The following PCDHGB2 variants were observed in gnomAD, a reference collection of about 807,000 sequenced individuals.
The protein encoded by PCDHGB2 is protocadherin gamma-B2.
A neutral mutation model predicts 59.3 loss-of-function variants in PCDHGB2; 55 were observed. The observed-to-expected ratio is 0.93, with a 90% CI of 0.75 to 1.16. The LOEUF (loss-of-function observed/expected upper bound fraction) is 1.16, where lower values mean the gene tolerates loss of function less well. PCDHGB2 is among the 50% of genes most tolerant of loss of function. The pLI is 0.00. For missense variants in PCDHGB2, 1,228 were observed against 1,198.5 expected, an observed-to-expected ratio of 1.02 and a Z score of -0.36; for synonymous variants, 516 against 512.0, an observed-to-expected ratio of 1.01 and a Z score of -0.11.
rs770678698 is a variant in PCDHGB2 at position 141,384,022 on chromosome 5, G to A, written c.2421+21466G>A. On this transcript the variant is annotated intron_variant, in intron 1 of 3. Transcript: ENST00000522605. ...TGCTCTTTTCTACCTACAAGACAGA[G>A]ATTCTGGAAAGAATGGTGAGGTGAC... 3 of 1,613,562 alleles carry A rather than the reference G, an allele frequency of 1.9e-6. No individual in the cohort carries two copies. The highest frequency in any genetic ancestry group is 2.5e-6 in the Non-Finnish European group (3 of 1,179,762).
In PCDHGB2 at chr5:141,361,294, T is replaced by C; in HGVS notation, c.1159T>C (p.Leu387=). The change falls in exon 1 of 4, where the codon TTG becomes CTG. Residue 387 remains leucine (L), a synonymous_variant. Coordinates refer to ENST00000522605, the MANE Select transcript of PCDHGB2 (RefSeq NM_018923.3). ...GENGEVYCQV[L]GNAKFILKSS... Reference sequence around the variant, plus strand: ...AAATGGAGAAGTTTACTGCCAAGTGTTGGGAAATGCCAAGTTTATTTTGAA... The same window carrying C: ...AAATGGAGAAGTTTACTGCCAAGTGCTGGGAAATGCCAAGTTTATTTTGAA... 1 of 1,613,920 alleles carries C rather than the reference T, an allele frequency of 6.2e-7. No homozygotes were observed. The highest frequency in any genetic ancestry group is 1.1e-5 in the South Asian group (1 of 91,088).
chr5:141,431,376 CT>C lies in PCDHGB2; in HGVS notation c.2422-63430del. The C allele has an allele frequency of 1.2e-6, 2 of 1,613,436 alleles. No individual in the cohort carries two copies. The highest frequency in any genetic ancestry group is 1.7e-6 in the Non-Finnish European group (2 of 1,179,562). On this transcript the variant is annotated intron_variant, in intron 1 of 3. Transcript: ENST00000522605. This position sits in a 1 kb window ranked among gnomAD's most constrained non-coding sequence, Gnocchi z 4.8. ...CGCGCCCTGGACCGCGAAGAAAAGG[CT>C]GCTCACCACCTGGTCCTTACGGCCT...
At chr5:141,440,428 C>A (rs1001845529) in intron 1 of PCDHGB2, 1 of 152,132 alleles carries the variant, frequency 6.6e-6, no homozygotes, top group Non-Finnish European at 1.5e-5. Context: ...GCCTGGGTGA[C>A]AGAGCAAGGC....
rs769671283 is a variant in PCDHGB2, at chr5:141,511,391, C to A, written c.*218C>A. 1 of 1,079,748 alleles carries A rather than the reference C, an allele frequency of 9.3e-7. No homozygotes were observed. The allele number at this position is 1,079,748 out of a possible 1,614,324, so 66.9% of individuals were successfully genotyped here. On this transcript the variant is annotated 3_prime_UTR_variant, in exon 4 of 4. Transcript: ENST00000522605. ...TGCAAAAGCAGTTCCGCTGGGAACC[C>A]CCATCCAATCAACTGCTGTACCCAT...
In PCDHGB2 at chr5:141,477,279, C is replaced by T. The variant is rs2099408674; in HGVS notation, c.2422-17528C>T. ...GATGCTGGCGAGAACGGGCTGGTGA[C>T]CTGCGAAGTTCCACCGGGTCTCCCT... is the stretch of plus-strand genomic sequence containing the variant. On this transcript the variant is annotated intron_variant, in intron 1 of 3. Transcript: ENST00000522605. The surrounding 1 kb of genome is among the most constrained non-coding windows in gnomAD (Gnocchi z 4.9). 6.2e-7 allele frequency: 1 copy of T among 1,614,054 alleles called. No individual in the cohort carries two copies. Among genetic ancestry groups the T allele is most frequent in the Non-Finnish European group, 8.5e-7 (1 of 1,180,050 alleles).
intron 1 of PCDHGB2, chr5:141,383,187 C>T (rs572411306): frequency 6.2e-7 from 1 of 1,614,076 alleles, no homozygotes; most frequent in Non-Finnish European, 8.5e-7. Flanking sequence ...AAGAGATCTG[C>T]GCTCAGAGTG....
intron 1 of PCDHGB2, among the ~76,000 whole-genome samples, chr5:141,456,381 G>T (rs1296419395): frequency 6.6e-6 from 1 of 152,110 alleles, no homozygotes; most frequent in Admixed American, 6.6e-5. Context: ...TTACAGCACC[G>T]TTTGGAGTTT....
chr5:141,410,287 C>T (rs1277233674), intron 1 of PCDHGB2: 1 of 1,614,018 alleles, frequency 6.2e-7, no homozygotes, highest in East Asian at 2.2e-5. Context: ...TGGTGGTGGC[C>T]TTGGCCTTAA....
In PCDHGB2 at chr5:141,362,571, A is replaced by G. The variant is rs751216494; in HGVS notation, c.2421+15A>G. 2 of 1,606,352 alleles carry G rather than the reference A, an allele frequency of 1.2e-6. No homozygotes were observed. Among genetic ancestry groups the G allele is most frequent in the Non-Finnish European group, 1.7e-6 (2 of 1,176,278 alleles). On this transcript the variant is annotated intron_variant, in intron 1 of 3. Transcript: ENST00000522605. ...CTATTTTGAAGGTGAGCTTTAATTA[A>G]TTTATTTTCACTTCTGGTTTTATTG...
chr5:141,435,026 C>A (rs977017371), intron 1 of PCDHGB2, among the ~76,000 whole-genome samples: 4 of 151,978 alleles, frequency 2.6e-5, no homozygotes, highest in Non-Finnish European at 5.9e-5. Context: ...GCTCTTTTCC[C>A]ACTTTTATTT....
intron 1 of PCDHGB2, chr5:141,413,293 C>G: frequency 6.2e-7 from 1 of 1,613,946 alleles, no homozygotes; most frequent in South Asian, 1.1e-5. Context: ...CTACTCAATT[C>G]CTGAGGAATT....
chr5:141,505,182 C>T (rs1302018549), intron 2 of PCDHGB2, among the ~76,000 whole-genome samples: 2 of 152,094 alleles, frequency 1.3e-5, no homozygotes, highest in East Asian at 3.9e-4. Context: ...AAAAAAGCAT[C>T]GGAGGCAGCA....
rs776923636 is a variant in PCDHGB2, at chr5:141,361,278, A to G, written c.1143A>G (p.Glu381=). Residue 381 remains glutamate, a synonymous_variant, in exon 1 of 4, where the codon GAA becomes GAG. Coordinates refer to ENST00000522605, the MANE Select transcript of PCDHGB2 (RefSeq NM_018923.3). ...TRDRDSGENG[E]VYCQVLGNAK... is the part of the protein sequence containing the mutation. ...ACAGAGACTCTGGAGAAAATGGAGA[A>G]GTTTACTGCCAAGTGTTGGGAAATG... The G allele has an allele frequency of 1.4e-5, 23 of 1,613,896 alleles. No individual in the cohort carries two copies. In the South Asian group the frequency reaches 2.5e-4, roughly 18 times the overall value.
chr5:141,364,391 G>C, intron 1 of PCDHGB2: 1 of 1,602,644 alleles, frequency 6.2e-7, no homozygotes. Context: ...CATGCTCCTG[G>C]GGACGCTGTG....
intron 3 of PCDHGB2, among the ~76,000 whole-genome samples, chr5:141,505,868 G>T (rs2099848820): frequency 6.6e-6 from 1 of 152,170 alleles, no homozygotes; most frequent in Admixed American, 6.5e-5. Context: ...GGACCCCAAA[G>T]GGTTGTTGTA....
At position 141,360,890 on chromosome 5, in the gene PCDHGB2, G is replaced by C; in HGVS notation, c.755G>C (p.Arg252Thr). 1.2e-6 allele frequency: 2 copies of C among 1,614,058 alleles called. No homozygotes were observed. The highest frequency in any genetic ancestry group is 1.7e-6 in the Non-Finnish European group (2 of 1,179,906). Residue 252 changes from arginine to threonine, a missense_variant, in exon 1 of 4, where the codon AGG becomes ACG. Arg to Thr is a moderately conservative substitution (Grantham distance 71). This residue lies in a region of PCDHGB2 where 781 missense variants were observed against 721.6 expected (regional missense o/e 1.08). Transcript: ENST00000522605. ...CAGGACGTGTACAGGGTCACCCTGA[G>C]GGAGGACGTGCCGCCGGGCTTCTTT... The part of the protein sequence containing the change: ...FSQDVYRVTL[R>T]EDVPPGFFVL...
intron 1 of PCDHGB2, chr5:141,372,712 A>C (rs781319922): frequency 1.2e-6 from 2 of 1,613,946 alleles, no homozygotes; most frequent in South Asian, 2.2e-5. Flanking sequence ...ATAAAGGCTG[A>C]AAATGCTGCA....
chr5:141,446,639 G>C (rs1461520959), intron 1 of PCDHGB2, among the ~76,000 whole-genome samples: 1 of 152,116 alleles, frequency 6.6e-6, no homozygotes, highest in Non-Finnish European at 1.5e-5. Context: ...ACCACGCCTG[G>C]CTAATTTTTG....
chr5:141,423,929 G>C, intron 1 of PCDHGB2: 1 of 1,236,074 alleles, frequency 8.1e-7, no homozygotes, highest in East Asian at 3.5e-5. Flanking sequence ...TGCTGGTTTG[G>C]TTTGAAGTAA....
Sources: allele counts gnomAD v4.1 joint callset (sites outside exome capture counted in the v4.1 genomes callset), GRCh38; gene constraint gnomAD v4.1.1; regional missense constraint gnomAD v4.1.1; non-coding constraint Gnocchi (gnomAD v3.1); transcripts MANE v1.5; gene names NCBI Gene and HGNC (gene_info 2026-07-23, HGNC 2026-07-21).